The following IL1RAPL2 variants were observed in gnomAD, a reference collection of about 807,000 sequenced individuals.
The protein encoded by IL1RAPL2 is X-linked interleukin-1 receptor accessory protein-like 2.
Under a neutral mutation model 44.1 loss-of-function variants are expected in IL1RAPL2, and 3 were observed. That is an observed-to-expected ratio of 0.07 (90% CI 0.03 to 0.18). IL1RAPL2 has a LOEUF of 0.18. Among genes scored for constraint, IL1RAPL2 ranks in the 10% least tolerant of loss-of-function variants. IL1RAPL2 has a pLI of 1.00. For synonymous variants in IL1RAPL2, 181 were observed against 178.8 expected, an observed-to-expected ratio of 1.01 and a Z score of -0.10; for missense variants, 391 against 496.4, an observed-to-expected ratio of 0.79 and a Z score of 2.02.
chrX:104,665,552 T>C (rs903470439), intron 2 of IL1RAPL2, among the ~76,000 whole-genome samples: 2 of 110,974 alleles, frequency 1.8e-5, no homozygotes, highest in Admixed American at 9.7e-5. Context: ...GAATTTTTTA[T>C]AGATTCTTCC....
At chrX:104,866,210 A>G (rs1922610365) in intron 2 of IL1RAPL2, among the ~76,000 whole-genome samples, 2 of 111,916 alleles carry the variant, frequency 1.8e-5, no homozygotes, top group Admixed American at 9.5e-5. Flanking sequence ...CTGTTTTGCA[A>G]GTTTTGGGTC....
chrX:104,586,071 A>C (rs2147995048), intron 1 of IL1RAPL2, among the ~76,000 whole-genome samples: 1 of 112,090 alleles, frequency 8.9e-6, no homozygotes, highest in East Asian at 2.8e-4. Context: ...ACAGTGTATA[A>C]GCATTTCTTT....
intron 2 of IL1RAPL2, among the ~76,000 whole-genome samples, chrX:105,045,506 G>A (rs1168488474): frequency 2.7e-5 from 3 of 111,800 alleles, no homozygotes; most frequent in Non-Finnish European, 5.6e-5. Flanking sequence ...GCAGGGGACT[G>A]CTCTTTGCAT....
intron 4 of IL1RAPL2, among the ~76,000 whole-genome samples, chrX:105,249,713 A>G (rs1226737787): frequency 2.7e-5 from 3 of 111,836 alleles, no homozygotes; most frequent in Non-Finnish European, 5.7e-5. Context: ...AATGCTAACA[A>G]GGATGTGTAG....
At chrX:104,958,632 A>G (rs1182489691) in intron 2 of IL1RAPL2, among the ~76,000 whole-genome samples, 1 of 103,931 alleles carries the variant, frequency 9.6e-6, no homozygotes, top group African/African-American at 3.5e-5. Flanking sequence ...GGAATGCTAC[A>G]CACAGTACAG....
intron 1 of IL1RAPL2, among the ~76,000 whole-genome samples, chrX:104,637,790 G>C (rs866412418): frequency 2.7e-5 from 3 of 109,177 alleles, no homozygotes; most frequent in Non-Finnish European, 5.7e-5. Context: ...GTGTGTGTGT[G>C]TGTGTGTGTG....
At chrX:105,471,325 C>T (rs2036164459) in intron 5 of IL1RAPL2, among the ~76,000 whole-genome samples, 1 of 112,098 alleles carries the variant, frequency 8.9e-6, no homozygotes, top group South Asian at 3.7e-4. Context: ...AACACAGAAC[C>T]TATGCTTTCA....
At chrX:104,943,522 T>A (rs1418399112) in intron 2 of IL1RAPL2, among the ~76,000 whole-genome samples, 2 of 112,033 alleles carry the variant, frequency 1.8e-5, no homozygotes, top group African/African-American at 6.5e-5. Context: ...CCTTGATTAA[T>A]CTTCTTTCAT....
chrX:104,910,540 A>T (rs891974369), intron 2 of IL1RAPL2, among the ~76,000 whole-genome samples: 1 of 111,520 alleles, frequency 9.0e-6, no homozygotes, highest in Non-Finnish European at 1.9e-5. Context: ...CCTGACAGGC[A>T]CCAGTGTGTG....
intron 2 of IL1RAPL2, among the ~76,000 whole-genome samples, chrX:105,032,921 G>A (rs1429980759): frequency 9.0e-6 from 1 of 111,651 alleles, no homozygotes; most frequent in Non-Finnish European, 1.9e-5. Context: ...AGTATTGGGT[G>A]CATATATATT....
intron 2 of IL1RAPL2, among the ~76,000 whole-genome samples, chrX:104,908,714 T>C (rs1432531823): frequency 2.7e-5 from 3 of 110,071 alleles, no homozygotes; most frequent in African/African-American, 9.9e-5. Flanking sequence ...TAACCCGACC[T>C]TTCTCTCTGG....
At chrX:105,749,217 A>G (rs773386332) in intron 9 of IL1RAPL2, 114 bp downstream of exon 9, 1 of 672,324 alleles carries the variant, frequency 1.5e-6, no homozygotes, top group East Asian at 3.5e-5. Flanking sequence ...GTAAAGGGCT[A>G]TGGCAAGTTA....
intron 6 of IL1RAPL2, among the ~76,000 whole-genome samples, chrX:105,501,563 G>T (rs2036395344): frequency 9.0e-6 from 1 of 110,790 alleles, no homozygotes; most frequent in Non-Finnish European, 1.9e-5. Flanking sequence ...GGTCAAGGCT[G>T]CAGTGACCCT....
intron 4 of IL1RAPL2, among the ~76,000 whole-genome samples, chrX:105,242,665 ATAT>A (rs1376920291): frequency 9.0e-6 from 1 of 111,627 alleles, no homozygotes; most frequent in Non-Finnish European, 1.9e-5. Flanking sequence ...TCTAAAAATT[ATAT>A]TATTGTTTGC....
At chrX:104,669,410 C>T (rs765516638) in intron 2 of IL1RAPL2, among the ~76,000 whole-genome samples, 1 of 110,948 alleles carries the variant, frequency 9.0e-6, no homozygotes, top group South Asian at 3.9e-4. Flanking sequence ...TCTCATTTTC[C>T]TCTCTGTCTC....
chrX:105,655,835 T>C (rs1409693633), intron 6 of IL1RAPL2, among the ~76,000 whole-genome samples: 1 of 112,015 alleles, frequency 8.9e-6, no homozygotes, highest in African/African-American at 3.2e-5. Flanking sequence ...TGTTTAATTT[T>C]TGTGGGTACA....
intron 7 of IL1RAPL2, among the ~76,000 whole-genome samples, chrX:105,738,838 T>TA (rs1398299308): frequency 9.1e-6 from 1 of 110,413 alleles, no homozygotes; most frequent in Non-Finnish European, 1.9e-5. Flanking sequence ...TTTGCAGCTT[T>TA]AAAAAAAGCA....
intron 2 of IL1RAPL2, among the ~76,000 whole-genome samples, chrX:104,732,608 C>T (rs181659675): frequency 9.0e-6 from 1 of 111,483 alleles, no homozygotes; most frequent in East Asian, 2.8e-4. Context: ...CTAGTACCTA[C>T]ATTAAAGAAA....
At position 105,433,383 on chromosome X, in the gene IL1RAPL2, C is replaced by T. The variant is rs770979782; in HGVS notation, c.698-50930C>T. ...ATGAATTAAATGGTTCTGTTAGTTG[C>T]GGCATCTATAAAATTAGGAAATTGG... is the stretch of plus-strand genomic sequence containing the variant. On this transcript the variant is annotated intron_variant, in intron 5 of 10. Coordinates refer to ENST00000372582, the MANE Select transcript of IL1RAPL2 (RefSeq NM_017416.2). Among the ~76,000 whole-genome samples the T allele has an allele frequency of 4.5e-5, 5 of 110,950 alleles. No homozygotes were observed. The South Asian group carries it at 1.1e-3, about 25-fold the overall frequency.
Sources: gnomAD v4.1 joint callset for allele counts (sites outside exome capture counted in the v4.1 genomes callset) on GRCh38, gnomAD v4.1.1 for gene constraint, MANE v1.5 for transcripts, NCBI Gene and HGNC (gene_info 2026-07-23, HGNC 2026-07-21) for gene names.